Variants in GLIS3 observed in about 807,000 individuals in gnomAD.
The protein encoded by GLIS3 is zinc finger protein GLIS3.
A neutral mutation model predicts 78.6 loss-of-function variants in GLIS3; 53 were observed. The observed-to-expected ratio is 0.67, with a 90% CI of 0.54 to 0.85. The LOEUF is 0.85. Among genes scored for constraint, GLIS3 ranks in the 40% least tolerant of loss-of-function variants. The pLI is 0.00. For missense variants in GLIS3, 1,703 were observed against 1,231.1 expected, an observed-to-expected ratio of 1.38 and a Z score of -5.74; for synonymous variants, 684 against 509.9, an observed-to-expected ratio of 1.34 and a Z score of -4.60.
intron 4 of GLIS3, among the ~76,000 whole-genome samples, chr9:4,060,570 T>A (rs572714917): frequency 4.5e-4 from 69 of 152,224 alleles, no homozygotes; most frequent in Middle Eastern, 3.4e-3. Context: ...TATGAGAGTA[T>A]AACTTGTGGC....
At chr9:3,836,677 G>A (rs999059275) in intron 9 of GLIS3, among the ~76,000 whole-genome samples, 8 of 152,132 alleles carry the variant, frequency 5.3e-5, no homozygotes, top group East Asian at 1.9e-4. Flanking sequence ...AGGGCAACTC[G>A]CTCCTTGGTT....
rs1014850307 is a variant in GLIS3 at position 3,978,626 on chromosome 9, G to GTA, written c.1711-41438_1711-41437insTA. Among the ~76,000 whole-genome samples, 230 of 151,818 alleles carry GTA rather than the reference G, an allele frequency of 1.5e-3. 1 individual carries two copies. The highest frequency in any genetic ancestry group is 5.3e-3 in the African/African-American group (221 of 41,382). On this transcript the variant is annotated intron_variant, in intron 4 of 10. Coordinates refer to ENST00000381971, the MANE Select transcript of GLIS3 (RefSeq NM_001042413.2). ...ATTTTGCAATGTTATGTGTATATGT[G>GTA]TGTATATATATATATAAATACTAAT...
the GLIS3 span, among the ~76,000 whole-genome samples, chr9:4,469,058 A>C: frequency 6.6e-6 from 1 of 152,228 alleles, no homozygotes; most frequent in Admixed American, 6.5e-5. Context: ...CATAATGGTA[A>C]AGGGATCAAT....
At chr9:4,176,624 T>G (rs1816834799) in intron 2 of GLIS3, among the ~76,000 whole-genome samples, 1 of 152,144 alleles carries the variant, frequency 6.6e-6, no homozygotes, top group African/African-American at 2.4e-5. Flanking sequence ...ATATTTCTTT[T>G]TCTCCTTTTT....
chr9:4,065,535 T>C (rs1178739736), intron 4 of GLIS3, among the ~76,000 whole-genome samples: 2 of 152,238 alleles, frequency 1.3e-5, no homozygotes, highest in South Asian at 4.1e-4. Context: ...TGCCTTAATG[T>C]ATTAAGTAAC....
chr9:4,176,962 T>C (rs1039419775), intron 2 of GLIS3, among the ~76,000 whole-genome samples: 1 of 152,190 alleles, frequency 6.6e-6, no homozygotes, highest in African/African-American at 2.4e-5. Flanking sequence ...CAGGACCAAT[T>C]TGTAGAAATG....
chr9:4,305,812 C>G (rs1407635681), intron 4 of GLIS3: 1 of 152,182 alleles, frequency 6.6e-6, no homozygotes, highest in East Asian at 1.9e-4. Flanking sequence ...AAGGCTCACA[C>G]TTGGTGAAGG....
At chr9:4,209,269 G>T (rs1820164785) in intron 2 of GLIS3, among the ~76,000 whole-genome samples, 1 of 152,084 alleles carries the variant, frequency 6.6e-6, no homozygotes. Flanking sequence ...ATACACTGGT[G>T]CTCCTTCCTG....
the GLIS3 span, among the ~76,000 whole-genome samples, chr9:4,478,641 T>C: frequency 3.0e-4 from 46 of 151,554 alleles, no homozygotes; most frequent in Middle Eastern, 6.8e-3. Flanking sequence ...CCTTTGGAAG[T>C]TGCAAGTGCA....
At chr9:4,285,735 C>G in intron 2 of GLIS3, 1 of 400,180 alleles carries the variant, frequency 2.5e-6, no homozygotes, top group South Asian at 2.5e-5. Context: ...ATCTTGCTAA[C>G]CTAGCTCTTA....
chr9:3,919,642 AAAAAATAAAAAAAAAAAATT>A (rs1291033401), intron 6 of GLIS3, among the ~76,000 whole-genome samples: 1 of 150,964 alleles, frequency 6.6e-6, no homozygotes, highest in Non-Finnish European at 1.5e-5. Flanking sequence ...AGTAGAAGTT[AAAAAATAAAAAAAAAAAATT>A]AAAAATAAAA....
chr9:3,879,719 G>A (rs975156562), intron 7 of GLIS3, 124 bp from the exon 8 acceptor site: 33 of 994,958 alleles, frequency 3.3e-5, no homozygotes, highest in Non-Finnish European at 4.8e-5. Context: ...TGGTTTTCAG[G>A]GAACAGTTCT....
At chr9:4,231,126 G>C (rs953778656) in intron 2 of GLIS3, among the ~76,000 whole-genome samples, 1 of 151,884 alleles carries the variant, frequency 6.6e-6, no homozygotes, top group Non-Finnish European at 1.5e-5. Flanking sequence ...GATGAATAAA[G>C]AAGCATCCAT....
At chr9:3,899,917 A>C (rs1244574166) in intron 6 of GLIS3, among the ~76,000 whole-genome samples, 3 of 152,186 alleles carry the variant, frequency 2.0e-5, no homozygotes, top group Non-Finnish European at 4.4e-5. Context: ...AGTGAGTAGG[A>C]ATAAGGGGTG....
rs111768178 is a variant in GLIS3 at position 4,192,051 on chromosome 9, C to G, written c.389-66110G>C. Among the ~76,000 whole-genome samples, 1,324 of 152,142 alleles carry G rather than the reference C, an allele frequency of 8.7e-3. 16 individuals carry two copies. The highest frequency in any genetic ancestry group is 0.03 in the African/African-American group (1,255 of 41,514). On this transcript the variant is annotated intron_variant, in intron 2 of 10. Transcript: ENST00000381971. ...AAAGGGCCATAATCTTTCCAATGAT[C>G]TCAAAAGGAGTTCTTGTGATAAACA...
At chr9:4,354,948 C>G in the GLIS3 span, among the ~76,000 whole-genome samples, 1 of 151,986 alleles carries the variant, frequency 6.6e-6, no homozygotes, top group Non-Finnish European at 1.5e-5. Flanking sequence ...AACCCCATCT[C>G]TACTAAAAAT....
At chr9:3,926,039 T>C (rs1049772766) in intron 6 of GLIS3, among the ~76,000 whole-genome samples, 1 of 152,170 alleles carries the variant, frequency 6.6e-6, no homozygotes, top group African/African-American at 2.4e-5. Context: ...TAAGCTATGC[T>C]TTTCACTGTC....
At chr9:4,130,651 C>G (rs982942427) in intron 2 of GLIS3, among the ~76,000 whole-genome samples, 2 of 152,166 alleles carry the variant, frequency 1.3e-5, no homozygotes. Flanking sequence ...GAAGCTTCTG[C>G]CTAGATTTCA....
chr9:4,453,360 A>G, the GLIS3 span, among the ~76,000 whole-genome samples: 501 of 149,698 alleles, frequency 3.3e-3, 3 homozygotes, highest in African/African-American at 8.5e-3. Context: ...AAAAAAAAAA[A>G]AAAAGAAAAA....
Sources: allele counts gnomAD v4.1 joint callset (sites outside exome capture counted in the v4.1 genomes callset), GRCh38; gene constraint gnomAD v4.1.1; transcripts MANE v1.5; gene names NCBI Gene and HGNC (gene_info 2026-07-23, HGNC 2026-07-21).